The following ZSWIM6 variants were observed in gnomAD, a reference collection of about 807,000 sequenced individuals.
ZSWIM6 encodes zinc finger SWIM domain-containing protein 6.
Under a neutral mutation model 113.2 loss-of-function variants are expected in ZSWIM6, and 9 were observed. That is an observed-to-expected ratio of 0.08 (90% CI 0.05 to 0.14). The LOEUF (loss-of-function observed/expected upper bound fraction) is 0.14. Ranked by LOEUF, ZSWIM6 falls within the 10% of genes least tolerant of loss-of-function variation. ZSWIM6 has a pLI of 1.00. For missense variants in ZSWIM6, 1,162 were observed against 1,552.2 expected, an observed-to-expected ratio of 0.75 and a Z score of 4.22; for synonymous variants, 611 against 606.5, an observed-to-expected ratio of 1.01 and a Z score of -0.11.
chr5:61,507,001 C>G (rs1350032679), intron 4 of ZSWIM6, among the ~76,000 whole-genome samples: 2 of 152,086 alleles, frequency 1.3e-5, no homozygotes, highest in Non-Finnish European at 2.9e-5. Flanking sequence ...CTTTGTTTTT[C>G]TGAATTTGAG....
chr5:61,497,433 C>G (rs1364312326), intron 4 of ZSWIM6, among the ~76,000 whole-genome samples: 1 of 152,108 alleles, frequency 6.6e-6, no homozygotes, highest in Non-Finnish European at 1.5e-5. Flanking sequence ...CCAATTTCTT[C>G]CCCCCATGCT....
At chr5:61,336,211 C>G (rs1345036673) in intron 1 of ZSWIM6, among the ~76,000 whole-genome samples, 2 of 152,032 alleles carry the variant, frequency 1.3e-5, no homozygotes, top group Admixed American at 1.3e-4. Flanking sequence ...TTGCGGTGAG[C>G]TAAGATCGTA....
chr5:61,338,874 C>T (rs1744464411), intron 1 of ZSWIM6, among the ~76,000 whole-genome samples: 1 of 152,274 alleles, frequency 6.6e-6, no homozygotes, highest in East Asian at 1.9e-4. Context: ...TTTTTAGAAA[C>T]ATCAGGATGC....
intron 1 of ZSWIM6, among the ~76,000 whole-genome samples, chr5:61,449,766 G>C (rs1159854282): frequency 1.3e-5 from 2 of 152,138 alleles, no homozygotes; most frequent in African/African-American, 4.8e-5. Context: ...ATCACTTTAT[G>C]CTCTTTTCCC....
At chr5:61,475,464 A>G (rs1747686460) in intron 2 of ZSWIM6, among the ~76,000 whole-genome samples, 2 of 152,212 alleles carry the variant, frequency 1.3e-5, no homozygotes, top group Admixed American at 6.5e-5. Flanking sequence ...TAGTTTCTAA[A>G]ATAGGAAAGC....
chr5:61,386,164 C>T (rs975633599), intron 1 of ZSWIM6, among the ~76,000 whole-genome samples: 2 of 152,166 alleles, frequency 1.3e-5, no homozygotes, highest in African/African-American at 2.4e-5. Context: ...TGTTTCTCTG[C>T]CCTGGATATG....
chr5:61,435,243 A>C (rs1746680980), intron 1 of ZSWIM6, among the ~76,000 whole-genome samples: 1 of 152,232 alleles, frequency 6.6e-6, no homozygotes, highest in African/African-American at 2.4e-5. Context: ...TATATATTTA[A>C]AATATGATAT....
intron 1 of ZSWIM6, among the ~76,000 whole-genome samples, chr5:61,358,465 T>C (rs1207065490): frequency 2.0e-5 from 3 of 152,236 alleles, no homozygotes; most frequent in Non-Finnish European, 2.9e-5. Context: ...GGAACTGTGT[T>C]CTGAATTCCA....
At chr5:61,387,323 A>G (rs1745611098) in intron 1 of ZSWIM6, among the ~76,000 whole-genome samples, 1 of 152,206 alleles carries the variant, frequency 6.6e-6, no homozygotes, top group East Asian at 1.9e-4. Context: ...TATTTTAATT[A>G]TCACCCCTGC....
intron 1 of ZSWIM6, among the ~76,000 whole-genome samples, chr5:61,425,396 G>C (rs1746445690): frequency 6.6e-6 from 1 of 152,152 alleles, no homozygotes; most frequent in African/African-American, 2.4e-5. Context: ...AATGCTGCAG[G>C]GCTGGCTGTT....
chr5:61,495,101 C>T (rs1164721464), intron 4 of ZSWIM6, among the ~76,000 whole-genome samples: 1 of 151,958 alleles, frequency 6.6e-6, no homozygotes, highest in African/African-American at 2.4e-5. Flanking sequence ...TAAGTGACAC[C>T]TGAAATTTTG....
intron 4 of ZSWIM6, among the ~76,000 whole-genome samples, chr5:61,517,029 T>C (rs1748965592): frequency 6.6e-6 from 1 of 152,146 alleles, no homozygotes; most frequent in South Asian, 2.1e-4. Flanking sequence ...GTCACTATTC[T>C]TCTATGTATG....
chr5:61,350,457 T>C (rs754974090), intron 1 of ZSWIM6, among the ~76,000 whole-genome samples: 1 of 152,128 alleles, frequency 6.6e-6, no homozygotes, highest in Non-Finnish European at 1.5e-5. Context: ...ATCTTTCATA[T>C]ATAGGAGATA....
intron 4 of ZSWIM6, among the ~76,000 whole-genome samples, chr5:61,517,179 C>T (rs921236833): frequency 6.6e-6 from 1 of 152,038 alleles, no homozygotes; most frequent in African/African-American, 2.4e-5. Context: ...AAGTTCATAT[C>T]TTTCTCCAAA....
At chr5:61,403,669 AG>A (rs1745984183) in intron 1 of ZSWIM6, among the ~76,000 whole-genome samples, 1 of 152,222 alleles carries the variant, frequency 6.6e-6, no homozygotes, top group Non-Finnish European at 1.5e-5. Context: ...TAAAATCAGA[AG>A]GGAATACACG....
At chr5:61,377,914 G>A (rs1020482251) in intron 1 of ZSWIM6, among the ~76,000 whole-genome samples, 2 of 152,162 alleles carry the variant, frequency 1.3e-5, no homozygotes, top group Admixed American at 1.3e-4. Flanking sequence ...GAGAAGGTGA[G>A]GTGCTCACTT....
At chr5:61,356,703 T>C (rs980651735) in intron 1 of ZSWIM6, among the ~76,000 whole-genome samples, 5 of 122,670 alleles carry the variant, frequency 4.1e-5, no homozygotes, top group African/African-American at 1.2e-4. Flanking sequence ...ACATATTTTA[T>C]ATATATAATA....
intron 1 of ZSWIM6, chr5:61,391,547 G>C (rs1054777352): frequency 3.1e-6 from 3 of 977,438 alleles, no homozygotes; most frequent in Admixed American, 3.4e-5. Context: ...TCGCTGATGT[G>C]CTCAGCGAAG....
intron 1 of ZSWIM6, among the ~76,000 whole-genome samples, chr5:61,441,759 T>C (rs1746839093): frequency 6.6e-6 from 1 of 152,178 alleles, no homozygotes; most frequent in Non-Finnish European, 1.5e-5. Flanking sequence ...CTTCTCACAT[T>C]TACTGCAATT....
Sources: gnomAD v4.1 joint callset for allele counts (sites outside exome capture counted in the v4.1 genomes callset) on GRCh38, gnomAD v4.1.1 for gene constraint, MANE v1.5 for transcripts, NCBI Gene and HGNC (gene_info 2026-07-23, HGNC 2026-07-21) for gene names.